FGD4: variants seen among roughly 807,000 people sequenced by gnomAD.
The protein encoded by FGD4 is FYVE, RhoGEF and PH domain containing 4.
Under a neutral mutation model 102.0 loss-of-function variants are expected in FGD4, and 42 were observed. The ratio of observed to expected loss-of-function variants is 0.41; its 90% CI spans 0.32 to 0.53. FGD4 has a LOEUF of 0.53. FGD4 is among the 20% of genes least tolerant of loss of function. FGD4 has a pLI of 0.21. For synonymous variants in FGD4, 380 were observed against 375.7 expected, an observed-to-expected ratio of 1.01 and a Z score of -0.13; for missense variants, 902 against 1,078.2, an observed-to-expected ratio of 0.84 and a Z score of 2.29.
chr12:32,637,834 T>A (rs965997979), intron 15 of FGD4: 1 of 152,084 alleles, frequency 6.6e-6, no homozygotes, highest in Non-Finnish European at 1.5e-5. Context: ...ACTGCCCCCA[T>A]GATCCAGTTA....
intron 1 of FGD4, among the ~76,000 whole-genome samples, chr12:32,500,392 T>TTTTTA (rs56752650): frequency 0.03 from 4,089 of 135,236 alleles, 86 homozygotes; most frequent in East Asian, 0.075. Context: ...TTTTATTTTA[T>TTTTTA]TTTTATTTTA....
In FGD4 at chr12:32,582,034, A is replaced by G. The variant is rs1946657047; in HGVS notation, c.578A>G (p.His193Arg). 5.6e-6 allele frequency: 9 copies of G among 1,614,244 alleles called. No individual in the cohort carries two copies. The East Asian group carries it at 2.0e-4, about 36-fold the overall frequency. The change falls in exon 4 of 17, where the codon CAT becomes CGT. Residue 193 changes from histidine (H) to arginine (R), a missense_variant. Physicochemically the swap from His to Arg is conservative, Grantham distance 29. Transcript: ENST00000534526. ...AATGCTCCTAGAACCCCAGGAAGGC[A>G]TGGATTGACAACCACACCTCAACAA... is the stretch of plus-strand genomic sequence containing the variant. Reference protein sequence around the residue: ...NLNAPRTPGRHGLTTTPQQKL... With the variant: ...NLNAPRTPGRRGLTTTPQQKL...
chr12:32,581,674 A>G lies in FGD4; in HGVS notation c.504-286A>G, dbSNP rs180702699. Among the ~76,000 whole-genome samples, 1,139 of 152,288 alleles carry G rather than the reference A, an allele frequency of 7.5e-3. 11 individuals carry two copies. Among genetic ancestry groups the G allele is most frequent in the African/African-American group, 0.026 (1,084 of 41,546 alleles). ...AGGATCAAGAAAAGTTAAGCGTTGAAAAATAAATAAATAAGTTATAAATAA... is the reference window on the plus strand; with the variant it reads ...AGGATCAAGAAAAGTTAAGCGTTGAGAAATAAATAAATAAGTTATAAATAA... On this transcript the variant is annotated intron_variant, in intron 3 of 16. Transcript: ENST00000534526.
At position 32,642,081 on chromosome 12, in the gene FGD4, A is replaced by T. The variant is rs1951180813; in HGVS notation, c.*1548A>T. 6.6e-6 allele frequency: 1 copy of T among 152,136 alleles called. No individual in the cohort carries two copies. The highest frequency in any genetic ancestry group is 1.5e-5 in the Non-Finnish European group (1 of 67,988). 9.4% of individuals were successfully genotyped at this position (152,136 alleles called of 1,614,324 possible). ...CATTTATTCAGGCCTTGTTACTTTA[A>T]GAAATATCTTATTTTTTCCACCCCA... On this transcript the variant is annotated 3_prime_UTR_variant, in exon 17 of 17. Transcript: ENST00000534526.
At position 32,564,224 on chromosome 12, in the gene FGD4, A is replaced by AAG; in HGVS notation, c.257_258dup (p.Ala87ArgfsTer5). 6.5e-7 allele frequency: 1 copy of AAG among 1,536,134 alleles called. No homozygotes were observed. Among genetic ancestry groups the AAG allele is most frequent in the Non-Finnish European group, 8.7e-7 (1 of 1,146,902 alleles). On this transcript the variant is annotated frameshift_variant, in exon 2 of 17. Transcript: ENST00000534526. LOFTEE classifies it high-confidence loss of function. ...CTGGTTGGTGAGAATGTATCTGAAG[A>AAG]AGAGGCTCAGGGAATAAATGGGAAC...
At chr12:32,441,789 G>A (rs1028274370) in intron 1 of FGD4, among the ~76,000 whole-genome samples, 1 of 152,098 alleles carries the variant, frequency 6.6e-6, no homozygotes, top group African/African-American at 2.4e-5. Flanking sequence ...GAGACCAAAA[G>A]CACTTTGGCC....
In FGD4 at chr12:32,582,068, C is replaced by T. The variant is rs141920723; in HGVS notation, c.612C>T (p.Leu204=). 7 of 1,614,074 alleles carry T rather than the reference C, an allele frequency of 4.3e-6. No individual in the cohort carries two copies. Among genetic ancestry groups the T allele is most frequent in the Admixed American group, 1.7e-5 (1 of 60,002 alleles). ...CAACCACACCTCAACAAAAACTCCTCTCCCAGCACTTGCCACAGAGGCAGG... is the reference window on the plus strand; with the variant it reads ...CAACCACACCTCAACAAAAACTCCTTTCCCAGCACTTGCCACAGAGGCAGG... ...GLTTTPQQKL[L]SQHLPQRQGN... Residue 204 remains leucine (L), a synonymous_variant, in exon 4 of 17, where the codon CTC becomes CTT. Coordinates refer to ENST00000534526, the MANE Select transcript of FGD4 (RefSeq NM_001370298.3).
intron 1 of FGD4, among the ~76,000 whole-genome samples, chr12:32,407,419 C>G (rs1243700850): frequency 6.6e-6 from 1 of 152,198 alleles, no homozygotes; most frequent in Non-Finnish European, 1.5e-5. Flanking sequence ...AGCCACTACG[C>G]CTGGCCAAGA....
At chr12:32,478,259 C>G (rs1249659726) in intron 1 of FGD4, among the ~76,000 whole-genome samples, 1 of 152,086 alleles carries the variant, frequency 6.6e-6, no homozygotes, top group African/African-American at 2.4e-5. Context: ...TATTTTTCTT[C>G]AATGTGATTG....
intron 1 of FGD4, among the ~76,000 whole-genome samples, chr12:32,438,664 C>T (rs1366224759): frequency 2.0e-5 from 3 of 150,852 alleles, no homozygotes; most frequent in African/African-American, 7.3e-5. Context: ...GGCTGGAGTG[C>T]AGTGGCGCGA....
chr12:32,596,956 G>T (rs1947952127), intron 4 of FGD4, among the ~76,000 whole-genome samples: 1 of 149,722 alleles, frequency 6.7e-6, no homozygotes, highest in Admixed American at 6.7e-5. Context: ...AAAACAAAAA[G>T]AGAAGTACAT....
At chr12:32,434,937 T>C (rs1942173289) in intron 1 of FGD4, among the ~76,000 whole-genome samples, 1 of 137,876 alleles carries the variant, frequency 7.3e-6, no homozygotes, top group Non-Finnish European at 1.5e-5. Context: ...ATTTCTTTTC[T>C]TTCCTTCTTT....
intron 1 of FGD4, among the ~76,000 whole-genome samples, chr12:32,499,062 G>T (rs930822289): frequency 1.3e-5 from 2 of 152,194 alleles, no homozygotes; most frequent in African/African-American, 4.8e-5. Flanking sequence ...AGAGAAAGGA[G>T]GAGTAACGGC....
At chr12:32,596,935 TA>T (rs984765572) in intron 4 of FGD4, among the ~76,000 whole-genome samples, 118 of 137,912 alleles carry the variant, frequency 8.6e-4, no homozygotes, top group African/African-American at 1.5e-3. Flanking sequence ...AACTCTGTCT[TA>T]AAAAAAAAAA....
chr12:32,495,753 C>T (rs986368208), intron 1 of FGD4, among the ~76,000 whole-genome samples: 6 of 151,702 alleles, frequency 4.0e-5, no homozygotes, highest in Non-Finnish European at 5.9e-5. Context: ...CTTCCATATC[C>T]TCCTGCACAC....
chr12:32,599,237 G>A (rs1046450228), intron 5 of FGD4, among the ~76,000 whole-genome samples: 1 of 151,658 alleles, frequency 6.6e-6, no homozygotes, highest in Non-Finnish European at 1.5e-5. Context: ...GCTCACGCCT[G>A]TAATCCCAGC....
intron 4 of FGD4, among the ~76,000 whole-genome samples, chr12:32,592,735 TGA>T (rs1354194551): frequency 6.6e-6 from 1 of 152,202 alleles, no homozygotes; most frequent in Admixed American, 6.5e-5. Flanking sequence ...TCCTTATAGA[TGA>T]GTTTCCTTAA....
intron 1 of FGD4, among the ~76,000 whole-genome samples, chr12:32,440,288 T>C (rs1942387913): frequency 6.6e-6 from 1 of 152,218 alleles, no homozygotes; most frequent in Non-Finnish European, 1.5e-5. Context: ...TGCCCATCCT[T>C]CTTGGGAAGG....
intron 1 of FGD4, among the ~76,000 whole-genome samples, chr12:32,480,353 G>A (rs1483543539): frequency 1.3e-5 from 2 of 151,698 alleles, no homozygotes; most frequent in African/African-American, 4.8e-5. Context: ...CAGTAGAGAC[G>A]GGGTTTCACC....
Sources: gnomAD v4.1 joint callset for allele counts (sites outside exome capture counted in the v4.1 genomes callset) on GRCh38, gnomAD v4.1.1 for gene constraint, MANE v1.5 for transcripts, NCBI Gene and HGNC (gene_info 2026-07-23, HGNC 2026-07-21) for gene names.